The following SUV39H2 variants were observed in gnomAD, a reference collection of about 807,000 sequenced individuals.
The protein encoded by SUV39H2 is SUV39H2 histone lysine methyltransferase.
A neutral mutation model predicts 47.5 loss-of-function variants in SUV39H2; 10 were observed. The observed-to-expected ratio is 0.21, with a 90% CI of 0.13 to 0.36. SUV39H2 has a LOEUF of 0.36. SUV39H2 is among the 10% of genes least tolerant of loss of function. The pLI is 1.00. For synonymous variants in SUV39H2, 159 were observed against 166.8 expected (o/e 0.95, Z 0.36); for missense variants, 266 against 487.4 (o/e 0.55, Z 4.28).
chr10:14,886,012 C>T (rs893951853), intron 2 of SUV39H2, among the ~76,000 whole-genome samples: 5 of 152,130 alleles, frequency 3.3e-5, no homozygotes, highest in African/African-American at 1.2e-4. Context: ...TCTGGCCACC[C>T]GCCACCTTTC....
chr10:14,899,501 A>T, intron 3 of SUV39H2, 38 bp from the exon 4 acceptor site: 1 of 1,605,262 alleles, frequency 6.2e-7, no homozygotes, highest in South Asian at 1.1e-5. Flanking sequence ...TCTTTGGTTC[A>T]GTAGCTACGT....
At chr10:14,885,380 C>T (rs545646801) in intron 2 of SUV39H2, among the ~76,000 whole-genome samples, 66 of 152,138 alleles carry the variant, frequency 4.3e-4, no homozygotes, top group Non-Finnish European at 8.7e-4. Context: ...TTCTTCGTTT[C>T]TTTTTACTCT....
intron 2 of SUV39H2, among the ~76,000 whole-genome samples, chr10:14,892,353 G>A (rs567988369): frequency 6.6e-6 from 1 of 152,316 alleles, no homozygotes; most frequent in African/African-American, 2.4e-5. Context: ...GTGTCTCAGT[G>A]AAGTGAGTGT....
chr10:14,878,930 A>C lies in SUV39H2; in HGVS notation c.31+11A>C, dbSNP rs374848659. The C allele has an allele frequency of 4.7e-3, 6,883 of 1,465,100 alleles. 110 individuals carry two copies. Among genetic ancestry groups the C allele is most frequent in the South Asian group, 0.043 (3,116 of 71,984 alleles). The allele number at this position is 1,465,100 out of a possible 1,614,324, so 90.8% of individuals were successfully genotyped here. ...CCGAGGCGCGAGGAGGTGAGGCTGG[A>C]GCGCGGCCCCCTCGCCTTCCCTGTT... On this transcript the variant is annotated intron_variant, in intron 1 of 5. Coordinates refer to ENST00000354919, the MANE Select transcript of SUV39H2 (RefSeq NM_001193424.2).
chr10:14,882,862 G>A (rs1036725877), intron 2 of SUV39H2, among the ~76,000 whole-genome samples: 2 of 150,262 alleles, frequency 1.3e-5, no homozygotes, highest in African/African-American at 4.9e-5. Context: ...CCCCCTATAG[G>A]AGTTTTTTTT....
In SUV39H2 at chr10:14,902,400, C is replaced by CT; in HGVS notation, c.1127-4dup. 2 of 1,582,580 alleles carry CT rather than the reference C, an allele frequency of 1.3e-6. No homozygotes were observed. The highest frequency in any genetic ancestry group is 1.7e-6 in the Non-Finnish European group (2 of 1,162,668). ...TTCTCCTATATTTCTTTTTCTGTGT[C>CT]TTCAGGTTCTGGAGATATATCTTCA... is the stretch of plus-strand genomic sequence containing the variant. On this transcript the variant is annotated splice_polypyrimidine_tract_variant and splice_region_variant and intron_variant, in intron 5 of 5. Transcript: ENST00000354919.
Position 14,903,925 on chromosome 10 carries a change from T to C in SUV39H2, c.*1413T>C, listed in dbSNP as rs1270011605. 1 of 152,222 alleles carries C rather than the reference T, an allele frequency of 6.6e-6. No homozygotes were observed. Among genetic ancestry groups the C allele is most frequent in the African/African-American group, 2.4e-5 (1 of 41,472 alleles). The allele number at this position is 152,222 out of a possible 1,614,324, so 9.4% of individuals were successfully genotyped here. Reference sequence around the variant, plus strand: ...GAGAAGCTAGACTTTATTCATTATATTGCTATGACAACTTCACTCTTTCAT... The same window carrying C: ...GAGAAGCTAGACTTTATTCATTATACTGCTATGACAACTTCACTCTTTCAT... On this transcript the variant is annotated 3_prime_UTR_variant, in exon 6 of 6. Coordinates refer to ENST00000354919, the MANE Select transcript of SUV39H2 (RefSeq NM_001193424.2).
intron 2 of SUV39H2, among the ~76,000 whole-genome samples, chr10:14,895,926 T>G (rs1833575066): frequency 2.0e-5 from 3 of 150,852 alleles, no homozygotes; most frequent in Admixed American, 1.3e-4. Flanking sequence ...TTTTTTTTTT[T>G]GCTTTTTTTT....
chr10:14,879,702 G>GT (rs1385094798), intron 1 of SUV39H2: 1 of 152,132 alleles, frequency 6.6e-6, no homozygotes, highest in Non-Finnish European at 1.5e-5. Context: ...ATGTAAAGGT[G>GT]TTTTCAAGCT....
intron 2 of SUV39H2, among the ~76,000 whole-genome samples, chr10:14,887,880 C>T (rs1833263571): frequency 6.6e-6 from 1 of 152,252 alleles, no homozygotes; most frequent in Middle Eastern, 3.4e-3. Flanking sequence ...ACTGATGTTT[C>T]AACTTAGTAC....
Position 14,903,553 on chromosome 10 carries a change from AAATT to A in SUV39H2, c.*1042_*1045del, listed in dbSNP as rs1477302102. 6.6e-6 allele frequency: 1 copy of A among 152,198 alleles called. No individual in the cohort carries two copies. Among genetic ancestry groups the A allele is most frequent in the Non-Finnish European group, 1.5e-5 (1 of 68,032 alleles). 9.4% of individuals were successfully genotyped at this position (152,198 alleles called of 1,614,324 possible). A position where few individuals can be genotyped will look rare whatever the true frequency, so the allele number is the denominator to read the frequency against. ...TTGAACTGATACTTGTTTTATACAT[AAATT>A]TTTTTTAGATGTGATAAAGCTAAAC... On this transcript the variant is annotated 3_prime_UTR_variant, in exon 6 of 6. Coordinates refer to ENST00000354919, the MANE Select transcript of SUV39H2 (RefSeq NM_001193424.2).
At chr10:14,900,198 G>A (rs961803694) in intron 4 of SUV39H2, among the ~76,000 whole-genome samples, 3 of 152,238 alleles carry the variant, frequency 2.0e-5, no homozygotes, top group South Asian at 2.1e-4. Context: ...ACCTTTTAAT[G>A]TCTGAAAGCT....
chr10:14,886,034 C>G (rs1283121684), intron 2 of SUV39H2, among the ~76,000 whole-genome samples: 1 of 152,196 alleles, frequency 6.6e-6, no homozygotes, highest in Non-Finnish European at 1.5e-5. Context: ...AGCCTCATCT[C>G]TTGTCATATA....
intron 2 of SUV39H2, among the ~76,000 whole-genome samples, chr10:14,892,495 G>A (rs2131688156): frequency 6.6e-6 from 1 of 152,258 alleles, no homozygotes; most frequent in South Asian, 2.1e-4. Context: ...TTAGCTCCCA[G>A]CTTTTGCCCA....
At position 14,894,368 on chromosome 10, in the gene SUV39H2, T is replaced by TTG. The variant is rs1588845220; in HGVS notation, c.178-2477_178-2476insGT. Reference sequence around the variant, plus strand: ...AAAGAAAGCAAAGTTTTTTTTTTTTTTTTTTTTTTTTTTTTTTGAGACGGA... The same window carrying TTG: ...AAAGAAAGCAAAGTTTTTTTTTTTTTTGTTTTTTTTTTTTTTTTTGAGACGGA... On this transcript the variant is annotated intron_variant, in intron 2 of 5. Coordinates refer to ENST00000354919, the MANE Select transcript of SUV39H2 (RefSeq NM_001193424.2). Among the ~76,000 whole-genome samples the TTG allele has an allele frequency of 7.8e-5, 4 of 51,512 alleles. No homozygotes were observed. The East Asian group carries it at 2.7e-3, about 34-fold the overall frequency. 33.8% of individuals were successfully genotyped at this position (51,512 alleles called of 152,430 possible).
At chr10:14,885,736 A>C (rs906546818) in intron 2 of SUV39H2, among the ~76,000 whole-genome samples, 2 of 152,178 alleles carry the variant, frequency 1.3e-5, no homozygotes, top group Non-Finnish European at 1.5e-5. Flanking sequence ...TTACTTTAGC[A>C]TACCTCTGCC....
intron 2 of SUV39H2, 35 bp downstream of exon 2, chr10:14,881,680 A>C (rs753599114): frequency 3.6e-6 from 5 of 1,397,022 alleles, no homozygotes; most frequent in Admixed American, 2.8e-5. Context: ...CAAGAGACCT[A>C]ATCAGACTTC....
intron 3 of SUV39H2, 178 bp downstream of exon 3, chr10:14,897,695 T>G: frequency 4.3e-6 from 2 of 465,040 alleles, no homozygotes; most frequent in Non-Finnish European, 6.9e-6. Flanking sequence ...AATAAAAAAC[T>G]TTTATATGAA....
intron 2 of SUV39H2, among the ~76,000 whole-genome samples, chr10:14,881,956 A>G (rs750115223): frequency 2.6e-5 from 4 of 152,138 alleles, no homozygotes; most frequent in African/African-American, 9.7e-5. Context: ...CGTGGATCGT[A>G]TTTCCCCACT....
Sources: allele counts gnomAD v4.1 joint callset (sites outside exome capture counted in the v4.1 genomes callset), GRCh38; gene constraint gnomAD v4.1.1; transcripts MANE v1.5; gene names NCBI Gene and HGNC (gene_info 2026-07-23, HGNC 2026-07-21).